The following STAMBP variants were observed in gnomAD, a reference collection of about 807,000 sequenced individuals.
STAMBP encodes the protein STAM-binding protein.
In STAMBP, 31 loss-of-function variants were observed where a neutral mutation model predicts 50.7. The observed-to-expected ratio is 0.61, with a 90% CI of 0.46 to 0.83. STAMBP has a LOEUF of 0.83. STAMBP is among the 40% of genes least tolerant of loss of function. The pLI is 0.00. For synonymous variants in STAMBP, 211 were observed against 192.4 expected, an observed-to-expected ratio of 1.10 and a Z score of -0.80; for missense variants, 472 against 518.9, an observed-to-expected ratio of 0.91 and a Z score of 0.88.
At chr2:73,849,958 C>G (rs1676604853) in intron 6 of STAMBP, among the ~76,000 whole-genome samples, 1 of 152,102 alleles carries the variant, frequency 6.6e-6, no homozygotes, top group Non-Finnish European at 1.5e-5. Context: ...GAACCCATTA[C>G]TGCTGAATGA....
Position 73,862,468 on chromosome 2 carries a change from C to G in STAMBP, c.*209C>G. ...AAGTCAGAAAGAGAACATGGTCACC[C>G]AAAAGCAACTGTAACTCAGAAATTA... On this transcript the variant is annotated 3_prime_UTR_variant, in exon 10 of 10. Transcript: ENST00000394070. 1 of 374,180 alleles carries G rather than the reference C, an allele frequency of 2.7e-6. No individual in the cohort carries two copies. The highest frequency in any genetic ancestry group is 4.8e-6 in the Non-Finnish European group (1 of 206,848). 23.2% of individuals were successfully genotyped at this position (374,180 alleles called of 1,614,324 possible). A position where few individuals can be genotyped will look rare whatever the true frequency, so the allele number is the denominator to read the frequency against.
intron 2 of STAMBP, among the ~76,000 whole-genome samples, chr2:73,840,486 G>A (rs1675251734): frequency 6.6e-6 from 1 of 152,038 alleles, no homozygotes; most frequent in Non-Finnish European, 1.5e-5. Flanking sequence ...GCTCACGCCT[G>A]TAATCCCAGC....
intron 7 of STAMBP, chr2:73,855,631 T>C (rs1421419047): frequency 1.5e-5 from 7 of 455,940 alleles, no homozygotes; most frequent in Non-Finnish European, 3.1e-5. Flanking sequence ...GGTAGAAACT[T>C]TGTGGTCACT....
chr2:73,857,220 T>C (rs1677659969), intron 7 of STAMBP, among the ~76,000 whole-genome samples: 1 of 152,192 alleles, frequency 6.6e-6, no homozygotes. Context: ...ATACCCTACC[T>C]GTTTAATGGC....
intron 1 of STAMBP, among the ~76,000 whole-genome samples, chr2:73,829,889 T>C (rs892561094): frequency 1.2e-4 from 19 of 152,328 alleles, no homozygotes; most frequent in South Asian, 8.3e-4. Flanking sequence ...AAGATCTCTG[T>C]TGGGGAGGGC....
chr2:73,852,917 GGTGTGTGTGTGTGTGT>G (rs56684009), intron 7 of STAMBP, among the ~76,000 whole-genome samples: 9 of 122,770 alleles, frequency 7.3e-5, no homozygotes, highest in East Asian at 2.5e-4. Context: ...ATGTTGGCCA[GGTGTGTGTGTGTGTGT>G]GTGTGTGTGT....
intron 1 of STAMBP, among the ~76,000 whole-genome samples, chr2:73,830,440 G>C (rs762460238): frequency 5.3e-5 from 8 of 152,250 alleles, no homozygotes; most frequent in Admixed American, 2.6e-4. Context: ...ACTCTGCCAG[G>C]TACTGGGGTG....
chr2:73,842,163 C>T (rs890341730), intron 2 of STAMBP, among the ~76,000 whole-genome samples: 4 of 152,134 alleles, frequency 2.6e-5, no homozygotes, highest in East Asian at 3.9e-4. Context: ...AGGCTAAATA[C>T]GGCAGGTTGT....
At chr2:73,854,829 T>TA (rs997853111) in intron 7 of STAMBP, among the ~76,000 whole-genome samples, 13 of 149,568 alleles carry the variant, frequency 8.7e-5, no homozygotes, top group South Asian at 2.1e-4. Context: ...CTCTATAAAT[T>TA]AAAAAAAAAA....
At chr2:73,854,470 A>G (rs954032084) in intron 7 of STAMBP, among the ~76,000 whole-genome samples, 6 of 152,098 alleles carry the variant, frequency 3.9e-5, no homozygotes, top group Non-Finnish European at 5.9e-5. Context: ...CAGCTTTTTT[A>G]TTTTTATTTT....
chr2:73,847,117 A>G lies in STAMBP; in HGVS notation c.376-270A>G, dbSNP rs79710015. ...AAAAAAAGATTTCAGTGAAGAGGAA[A>G]GTGCATTAGGTAGAGTCATTGTCGG... On this transcript the variant is annotated intron_variant, in intron 4 of 9. Coordinates refer to ENST00000394070, the MANE Select transcript of STAMBP (RefSeq NM_213622.4). Among the ~76,000 whole-genome samples, 15 of 151,424 alleles carry G rather than the reference A, an allele frequency of 9.9e-5. No individual in the cohort carries two copies. In the East Asian group the frequency reaches 2.9e-3, roughly 29 times the overall value.
downstream of STAMBP, among the ~76,000 whole-genome samples, chr2:73,871,782 T>A (rs1041389586): frequency 1.3e-5 from 2 of 152,114 alleles, no homozygotes; most frequent in African/African-American, 4.8e-5. Flanking sequence ...AAAACTTTTT[T>A]TTTGAAACAG....
Position 73,864,871 on chromosome 2 carries a change from G to A in STAMBP, c.*2612G>A, listed in dbSNP as rs1490704962. 1 of 152,198 alleles carries A rather than the reference G, an allele frequency of 6.6e-6. No homozygotes were observed. Among genetic ancestry groups the A allele is most frequent in the Non-Finnish European group, 1.5e-5 (1 of 68,068 alleles). The allele number at this position is 152,198 out of a possible 1,614,324, so 9.4% of individuals were successfully genotyped here. A position where few individuals can be genotyped will look rare whatever the true frequency, so the allele number is the denominator to read the frequency against. ...GAATCAGAGGAGCTGATTTGCTTGG[G>A]GTCAGAGCAGAGCTGGGTTTTTTCA... On this transcript the variant is annotated 3_prime_UTR_variant, in exon 10 of 10. Coordinates refer to ENST00000394070, the MANE Select transcript of STAMBP (RefSeq NM_213622.4).
chr2:73,830,065 A>G (rs1673709330), intron 1 of STAMBP, among the ~76,000 whole-genome samples: 1 of 152,276 alleles, frequency 6.6e-6, no homozygotes, highest in Non-Finnish European at 1.5e-5. Context: ...TGATTCTAAC[A>G]GCAACTATAT....
intron 2 of STAMBP, among the ~76,000 whole-genome samples, chr2:73,843,621 T>G (rs1316687192): frequency 6.6e-6 from 1 of 152,012 alleles, no homozygotes; most frequent in Non-Finnish European, 1.5e-5. Flanking sequence ...AGAACCATTT[T>G]TATTTTAGAG....
chr2:73,844,309 G>A (rs1675799019), intron 2 of STAMBP, among the ~76,000 whole-genome samples: 1 of 152,172 alleles, frequency 6.6e-6, no homozygotes, highest in African/African-American at 2.4e-5. Context: ...TTTGTATGAT[G>A]CAAAGTAGTA....
chr2:73,871,373 G>A (rs914934028), downstream of STAMBP, among the ~76,000 whole-genome samples: 46 of 151,350 alleles, frequency 3.0e-4, no homozygotes, highest in African/African-American at 1.1e-3. Context: ...GTGAAACCCC[G>A]TCTCTACGAA....
At chr2:73,872,931 G>A (rs770021109) in intron 10 of STAMBP, among the ~76,000 whole-genome samples, 4 of 152,204 alleles carry the variant, frequency 2.6e-5, no homozygotes, top group Admixed American at 6.5e-5. Context: ...TGGATGGGCC[G>A]TAGGATGTAT....
downstream of STAMBP, among the ~76,000 whole-genome samples, chr2:73,871,603 G>T (rs554675902): frequency 2.6e-4 from 39 of 151,886 alleles, 1 homozygote; most frequent in Admixed American, 1.4e-3. Context: ...AATTAAAACT[G>T]GTGTTCAGGT....
Sources: allele counts gnomAD v4.1 joint callset (sites outside exome capture counted in the v4.1 genomes callset), GRCh38; gene constraint gnomAD v4.1.1; transcripts MANE v1.5; gene names NCBI Gene and HGNC (gene_info 2026-07-23, HGNC 2026-07-21).